CYB5A: variants seen among roughly 807,000 people sequenced by gnomAD.
The protein encoded by CYB5A is cytochrome b5.
CYB5A carries 10 observed loss-of-function variants against 16.2 expected under a neutral mutation model. The ratio of observed to expected loss-of-function variants is 0.62; its 90% CI spans 0.38 to 1.04. The LOEUF (loss-of-function observed/expected upper bound fraction) is 1.04, where lower values mean the gene tolerates loss of function less well. Ranked by LOEUF, CYB5A falls within the 50% of genes least tolerant of loss-of-function variation. The pLI, the probability that CYB5A is intolerant of heterozygous loss-of-function variation, is 0.01. For missense variants in CYB5A, 161 were observed against 165.9 expected, an observed-to-expected ratio of 0.97 and a Z score of 0.16; for synonymous variants, 62 against 57.0, an observed-to-expected ratio of 1.09 and a Z score of -0.40.
chr18:74,280,921 A>C (rs1352422422), intron 1 of CYB5A, among the ~76,000 whole-genome samples: 2 of 152,240 alleles, frequency 1.3e-5, no homozygotes, highest in African/African-American at 4.8e-5. Context: ...TGAAGGGTTT[A>C]AACAGAGTAT....
chr18:74,290,214 C>T (rs1263391823), intron 1 of CYB5A, among the ~76,000 whole-genome samples: 2 of 152,036 alleles, frequency 1.3e-5, no homozygotes, highest in Non-Finnish European at 2.9e-5. Context: ...AATACCTTAC[C>T]AATAAACATC....
chr18:74,259,522 T>A (rs1982115246), intron 3 of CYB5A: 1 of 152,176 alleles, frequency 6.6e-6, no homozygotes, highest in Non-Finnish European at 1.5e-5. Context: ...AAACTGAAAG[T>A]AGTTATGGCA....
chr18:74,267,610 G>A (rs1172356456), intron 1 of CYB5A, among the ~76,000 whole-genome samples: 1 of 152,180 alleles, frequency 6.6e-6, no homozygotes, highest in Non-Finnish European at 1.5e-5. Flanking sequence ...GCACTTGGGG[G>A]TGGCCTGAAG....
intron 3 of CYB5A, chr18:74,256,662 A>G (rs1981994830): frequency 9.4e-6 from 6 of 635,738 alleles, no homozygotes; most frequent in Middle Eastern, 2.5e-4. Context: ...TAAATAAGAC[A>G]GCTTCAGATC....
chr18:74,269,136 G>A (rs1303453881), intron 1 of CYB5A, among the ~76,000 whole-genome samples: 1 of 152,114 alleles, frequency 6.6e-6, no homozygotes, highest in African/African-American at 2.4e-5. Context: ...GTGACTTTCA[G>A]GAAGACACAG....
chr18:74,261,757 C>T (rs1282855038), intron 2 of CYB5A: 2 of 152,378 alleles, frequency 1.3e-5, no homozygotes, highest in African/African-American at 4.8e-5. Flanking sequence ...TCTTCATTCA[C>T]AGTCATTACA....
intron 1 of CYB5A, among the ~76,000 whole-genome samples, chr18:74,288,257 T>A (rs1297539821): frequency 6.6e-6 from 1 of 152,186 alleles, no homozygotes; most frequent in Non-Finnish European, 1.5e-5. Flanking sequence ...GCAGGATCCC[T>A]CCACCATCTC....
At chr18:74,256,552 A>G (rs1342769132) in intron 3 of CYB5A, 4 of 498,350 alleles carry the variant, frequency 8.0e-6, no homozygotes, top group African/African-American at 7.7e-5. Flanking sequence ...GCTAAGGTCT[A>G]GTGAAATATC....
intron 1 of CYB5A, among the ~76,000 whole-genome samples, chr18:74,275,084 A>G (rs988201167): frequency 8.5e-5 from 13 of 152,186 alleles, no homozygotes; most frequent in African/African-American, 3.1e-4. Flanking sequence ...CAGCTAAATC[A>G]AATGCCTCTG....
rs191206491 is a variant in CYB5A, at chr18:74,269,277, T to C, written c.130-5800A>G. The stretch of plus-strand genomic sequence containing the variant: ...TCTCTTCTCCTTGAATTGCCTTCTT[T>C]ATTTGACTTCCAGGGGAACAGGCTG... On this transcript the variant is annotated intron_variant, in intron 1 of 4. Coordinates refer to ENST00000340533, the MANE Select transcript of CYB5A (RefSeq NM_148923.4). 2.7e-3 allele frequency among the ~76,000 whole-genome samples: 344 copies of C among 128,132 alleles called. 7 individuals carry two copies. Among genetic ancestry groups the C allele is most frequent in the Non-Finnish European group, 6.5e-4 (36 of 55,744 alleles). 84.1% of individuals were successfully genotyped at this position (128,132 alleles called of 152,430 possible). A position where few individuals can be genotyped will look rare whatever the true frequency, so the allele number is the denominator to read the frequency against.
At chr18:74,263,209 CA>C in intron 2 of CYB5A, 139 bp downstream of exon 2, 2 of 871,484 alleles carry the variant, frequency 2.3e-6, no homozygotes, top group Non-Finnish European at 3.5e-6. Context: ...TTATTTATAA[CA>C]AAAAATGGTG....
At chr18:74,281,769 A>ATG (rs1242319162) in intron 1 of CYB5A, among the ~76,000 whole-genome samples, 1 of 85,354 alleles carries the variant, frequency 1.2e-5, no homozygotes, top group African/African-American at 6.3e-5. Context: ...GTGTGTGTGT[A>ATG]TGTGTGTGTT....
intron 1 of CYB5A, among the ~76,000 whole-genome samples, chr18:74,267,656 A>C (rs1411625557): frequency 6.6e-6 from 1 of 152,228 alleles, no homozygotes; most frequent in Non-Finnish European, 1.5e-5. Context: ...ATAACAGGTA[A>C]GTAAACTTAT....
chr18:74,253,688 G>A (rs752438576), intron 4 of CYB5A, 23 bp from the exon 5 acceptor site: 2 of 1,535,384 alleles, frequency 1.3e-6, no homozygotes, highest in East Asian at 4.5e-5. Flanking sequence ...AAAAAGCAAT[G>A]ATGCTGACAT....
chr18:74,253,815 G>T, intron 4 of CYB5A, 150 bp from the exon 5 acceptor site: 1 of 653,718 alleles, frequency 1.5e-6, no homozygotes. Context: ...TTTGCTAAAA[G>T]TGACATGAGT....
intron 1 of CYB5A, among the ~76,000 whole-genome samples, chr18:74,272,161 C>T (rs891738145): frequency 6.6e-6 from 1 of 152,226 alleles, no homozygotes; most frequent in Non-Finnish European, 1.5e-5. Context: ...ACAGCCTATG[C>T]CCCTTTCTCA....
rs920909190 is a variant in CYB5A at position 74,267,409 on chromosome 18, G to A, written c.130-3932C>T. ...TGACCTCAGGTAATCCACCTGCCTC[G>A]GCCTCACAAAGTGTTGGGATTACAG... On this transcript the variant is annotated intron_variant, in intron 1 of 4. Coordinates refer to ENST00000340533, the MANE Select transcript of CYB5A (RefSeq NM_148923.4). Among the ~76,000 whole-genome samples the A allele has an allele frequency of 3.9e-5, 6 of 152,236 alleles. No homozygotes were observed. In the East Asian group the frequency reaches 5.8e-4, roughly 15 times the overall value.
intron 1 of CYB5A, among the ~76,000 whole-genome samples, chr18:74,266,972 T>C (rs1982464102): frequency 6.6e-6 from 1 of 152,208 alleles, no homozygotes; most frequent in East Asian, 1.9e-4. Flanking sequence ...ATAACTCATC[T>C]TGATAAGACA....
chr18:74,260,760 TA>T, intron 3 of CYB5A, 154 bp downstream of exon 3: 2 of 727,100 alleles, frequency 2.8e-6, no homozygotes, highest in Non-Finnish European at 2.5e-6. Flanking sequence ...TTTCCGTAAA[TA>T]AAAAATACTT....
Sources: allele counts gnomAD v4.1 joint callset (sites outside exome capture counted in the v4.1 genomes callset), GRCh38; gene constraint gnomAD v4.1.1; transcripts MANE v1.5; gene names NCBI Gene and HGNC (gene_info 2026-07-23, HGNC 2026-07-21).